Variants in CEP63 observed in about 807,000 individuals in gnomAD.
The protein encoded by CEP63 is centrosomal protein 63.
A neutral mutation model predicts 89.1 loss-of-function variants in CEP63; 84 were observed. The observed-to-expected ratio is 0.94, with a 90% CI of 0.79 to 1.13. The LOEUF is 1.13. CEP63 is among the 50% of genes most tolerant of loss of function. The pLI is 0.00. For synonymous variants in CEP63, 267 were observed against 272.5 expected (o/e 0.98, Z 0.20); for missense variants, 838 against 813.3 (o/e 1.03, Z -0.37).
intron 3 of CEP63, among the ~76,000 whole-genome samples, chr3:134,509,346 C>A (rs1301252853): frequency 6.6e-6 from 1 of 152,168 alleles, no homozygotes; most frequent in Admixed American, 6.5e-5. Flanking sequence ...ACAACGAGAA[C>A]AGCACCAGTG....
At chr3:134,629,809 G>A in the CEP63 span, 2 of 671,808 alleles carry the variant, frequency 3.0e-6, no homozygotes, top group Non-Finnish European at 5.3e-6. Flanking sequence ...TCTTTTGTGT[G>A]TACAAATCAT....
chr3:134,751,515 T>C, the CEP63 span, among the ~76,000 whole-genome samples: 1 of 151,772 alleles, frequency 6.6e-6, no homozygotes, highest in African/African-American at 2.4e-5. Flanking sequence ...TAGGTGGGGG[T>C]GAGAGATGGC....
chr3:134,542,323 T>C (rs1952206534), intron 6 of CEP63, among the ~76,000 whole-genome samples: 1 of 152,248 alleles, frequency 6.6e-6, no homozygotes, highest in Admixed American at 6.5e-5. Context: ...CAAATGTTGA[T>C]CTGTTGTCTT....
At chr3:134,501,010 T>C (rs1941827155) in intron 2 of CEP63, among the ~76,000 whole-genome samples, 1 of 152,240 alleles carries the variant, frequency 6.6e-6, no homozygotes, top group South Asian at 2.1e-4. Context: ...GAATTAATTT[T>C]TGCATATGGT....
At position 134,532,770 on chromosome 3, in the gene CEP63, TTC is replaced by T; in HGVS notation, c.319-6_319-5del. On this transcript the variant is annotated splice_region_variant and splice_polypyrimidine_tract_variant and intron_variant, in intron 4 of 14. Coordinates refer to ENST00000675561, the MANE Select transcript of CEP63 (RefSeq NM_001353108.3). Reference sequence around the variant, plus strand: ...AAACTTTAAATATAGAAATAACTGTTTCTACAGTTATGCATACTGAAGAGAAG... The same window carrying T: ...AAACTTTAAATATAGAAATAACTGTTTACAGTTATGCATACTGAAGAGAAG... 6.3e-7 allele frequency: 1 copy of T among 1,589,768 alleles called. No homozygotes were observed. The highest frequency in any genetic ancestry group is 8.6e-7 in the Non-Finnish European group (1 of 1,159,540).
At chr3:134,711,564 G>A in the CEP63 span, among the ~76,000 whole-genome samples, 6 of 152,098 alleles carry the variant, frequency 3.9e-5, no homozygotes, top group Non-Finnish European at 7.4e-5. Context: ...CTGAGAAAGG[G>A]TGCACCACTT....
chr3:134,684,535 A>G, the CEP63 span, among the ~76,000 whole-genome samples: 1 of 152,336 alleles, frequency 6.6e-6, no homozygotes, highest in Non-Finnish European at 1.5e-5. Flanking sequence ...CTTTCCTGCT[A>G]CAAATAATAG....
the CEP63 span, among the ~76,000 whole-genome samples, chr3:134,728,831 A>T: frequency 6.6e-6 from 1 of 152,210 alleles, no homozygotes; most frequent in African/African-American, 2.4e-5. Context: ...ATAATAGGTT[A>T]TTCTTTTTTC....
downstream of CEP63, among the ~76,000 whole-genome samples, chr3:134,579,243 C>T (rs1458073860): frequency 1.1e-4 from 16 of 152,170 alleles, no homozygotes; most frequent in Admixed American, 1.0e-3. Flanking sequence ...TACCAGGTAA[C>T]TTATATGTTG....
chr3:134,623,806 A>T, the CEP63 span, among the ~76,000 whole-genome samples: 56 of 152,180 alleles, frequency 3.7e-4, no homozygotes, highest in African/African-American at 1.3e-3. Flanking sequence ...CACGCTGTTG[A>T]CCACGTCTGC....
At chr3:134,586,521 C>T (rs1442803812) in intron 10 of CEP63, among the ~76,000 whole-genome samples, 2 of 152,148 alleles carry the variant, frequency 1.3e-5, no homozygotes, top group African/African-American at 4.8e-5. Flanking sequence ...AATATTGGCC[C>T]CACTCTCTTC....
the CEP63 span, among the ~76,000 whole-genome samples, chr3:134,724,036 T>C: frequency 6.6e-6 from 1 of 152,290 alleles, no homozygotes; most frequent in Admixed American, 6.5e-5. Context: ...TCCAACTCTT[T>C]ATTTTCCATT....
At chr3:134,581,874 A>G (rs1958361514) in intron 10 of CEP63, among the ~76,000 whole-genome samples, 1 of 151,190 alleles carries the variant, frequency 6.6e-6, no homozygotes, top group Admixed American at 6.6e-5. Context: ...ACGGGGTTTC[A>G]CCGTGTTAGC....
chr3:134,564,534 A>C lies in CEP63; in HGVS notation c.*2999A>C. On this transcript the variant is annotated 3_prime_UTR_variant, in exon 15 of 15. Transcript: ENST00000675561. ...AGTCCTGCCTACATCCTCAGTCAGC[A>C]TGCTGCCTAACACATAACAGATCCT... 5.1e-6 allele frequency: 5 copies of C among 985,494 alleles called. No individual in the cohort carries two copies. Among genetic ancestry groups the C allele is most frequent in the Non-Finnish European group, 6.0e-6 (5 of 829,948 alleles). The allele number at this position is 985,494 out of a possible 1,614,324, so 61.0% of individuals were successfully genotyped here.
chr3:134,710,388 G>A, the CEP63 span, among the ~76,000 whole-genome samples: 2 of 152,188 alleles, frequency 1.3e-5, no homozygotes, highest in South Asian at 2.1e-4. Context: ...TTTGCAATGA[G>A]AACACGTCCA....
the CEP63 span, among the ~76,000 whole-genome samples, chr3:134,667,412 A>G: frequency 1.3e-5 from 2 of 152,278 alleles, no homozygotes; most frequent in Non-Finnish European, 2.9e-5. Flanking sequence ...CAGGGGGTGC[A>G]TTACTGAGTT....
chr3:134,619,718 A>G, the CEP63 span, among the ~76,000 whole-genome samples: 1 of 152,244 alleles, frequency 6.6e-6, no homozygotes, highest in African/African-American at 2.4e-5. Context: ...GGGGATGAAG[A>G]CATTGCAAAG....
the CEP63 span, among the ~76,000 whole-genome samples, chr3:134,683,652 A>T: frequency 6.6e-6 from 1 of 151,976 alleles, no homozygotes; most frequent in African/African-American, 2.4e-5. Context: ...TGTTTCAGAC[A>T]TGGGGTTTGA....
At chr3:134,610,418 C>T in the CEP63 span, 94 of 1,580,888 alleles carry the variant, frequency 5.9e-5, no homozygotes, top group East Asian at 2.1e-3. Flanking sequence ...GAGGGGGATC[C>T]CGCTGTGGCT....
Sources: allele counts gnomAD v4.1 joint callset (sites outside exome capture counted in the v4.1 genomes callset), GRCh38; gene constraint gnomAD v4.1.1; transcripts MANE v1.5; gene names NCBI Gene and HGNC (gene_info 2026-07-23, HGNC 2026-07-21).